The following MYCBP2 variants were observed in gnomAD, a reference collection of about 807,000 sequenced individuals.
MYCBP2 encodes the protein MYC binding protein 2.
In MYCBP2, 120 loss-of-function variants were observed where a neutral mutation model predicts 525.3. The ratio of observed to expected loss-of-function variants is 0.23; its 90% CI spans 0.20 to 0.27. MYCBP2 has a LOEUF of 0.27. Among genes scored for constraint, MYCBP2 ranks in the 10% least tolerant of loss-of-function variants. The probability of loss-of-function intolerance (pLI) is 1.00; values close to 1 mark genes in which losing one functional copy is unlikely to be tolerated. For missense variants in MYCBP2, 4,149 were observed against 5,657.1 expected (o/e 0.73, Z 8.55); for synonymous variants, 1,894 against 1,955.8 (o/e 0.97, Z 0.83).
At position 77,189,042 on chromosome 13, in the gene MYCBP2, G is replaced by A. The variant is rs768262276; in HGVS notation, c.4160C>T (p.Pro1387Leu). ...TTTTGAAGCACTGCCATCACTGGTT[G>A]GAAGTCTAAAGGCAGTAGACACATA... ...GQIPQLLYRL[P>L]TSDGSASKGK... Residue 1387 changes from proline (P) to leucine (L), a missense_variant, in exon 30 of 83, where the codon CCA becomes CTA. Transcript: ENST00000544440. 1 of 1,607,504 alleles carries A rather than the reference G, an allele frequency of 6.2e-7. No homozygotes were observed.
intron 1 of MYCBP2, among the ~76,000 whole-genome samples, chr13:77,306,693 T>C (rs1212511309): frequency 1.3e-5 from 2 of 152,134 alleles, no homozygotes; most frequent in Non-Finnish European, 2.9e-5. Context: ...CTTGAAGCAA[T>C]TGTAAAACTG....
intron 1 of MYCBP2, among the ~76,000 whole-genome samples, chr13:77,323,927 G>A (rs2081990428): frequency 6.6e-6 from 1 of 151,840 alleles, no homozygotes; most frequent in Admixed American, 6.6e-5. Context: ...AGATCCCTTT[G>A]ACCTCTTCCT....
rs944289452 is a variant in MYCBP2, at chr13:77,260,474, T to C, written c.1971A>G (p.Gly657=). The change falls in exon 13 of 83, where the codon GGA becomes GGG. Residue 657 remains glycine, a synonymous_variant. Transcript: ENST00000544440. ...CATCTTTTCCAAACATGTAGAGTTC[T>C]CCATCTTTAGAAATAACAGAACTAC... The part of the protein sequence containing the change: ...NGSSSVISKD[G]ELYMFGKDAI... 3.1e-6 allele frequency: 5 copies of C among 1,610,066 alleles called. No homozygotes were observed. Among genetic ancestry groups the C allele is most frequent in the Non-Finnish European group, 3.4e-6 (4 of 1,178,722 alleles).
intron 2 of MYCBP2, among the ~76,000 whole-genome samples, chr13:77,294,137 T>C (rs1207008707): frequency 1.8e-4 from 19 of 102,722 alleles, no homozygotes; most frequent in Non-Finnish European, 3.4e-4. Context: ...TATACATATA[T>C]ATATACATAT....
intron 80 of MYCBP2, among the ~76,000 whole-genome samples, chr13:77,055,329 T>C (rs1175493234): frequency 6.6e-6 from 1 of 152,162 alleles, no homozygotes; most frequent in East Asian, 1.9e-4. Flanking sequence ...GCAGCTTGTA[T>C]ACAGAAATAC....
chr13:77,321,001 T>C (rs2081538538), intron 1 of MYCBP2, among the ~76,000 whole-genome samples: 1 of 152,160 alleles, frequency 6.6e-6, no homozygotes, highest in African/African-American at 2.4e-5. Context: ...TTATATGAAG[T>C]GATGGAAACA....
intron 40 of MYCBP2, among the ~76,000 whole-genome samples, chr13:77,166,803 A>G (rs1450611404): frequency 6.6e-6 from 1 of 152,198 alleles, no homozygotes; most frequent in East Asian, 1.9e-4. Flanking sequence ...AGAATTATAA[A>G]ACAAAATCCA....
At position 77,088,879 on chromosome 13, in the gene MYCBP2, T is replaced by C. The variant is rs775610459; in HGVS notation, c.10678A>G (p.Met3560Val). Residue 3560 changes from methionine to valine, a missense_variant, in exon 61 of 83, where the codon ATG becomes GTG. By Grantham distance (21) the Met-to-Val change is conservative. Coordinates refer to ENST00000544440, the MANE Select transcript of MYCBP2 (RefSeq NM_015057.5). The part of the protein sequence containing the change: ...HHDLEGLEIA[M>V]KQALRKSACR... Reference sequence around the variant, plus strand: ...GCAGATTTCCTTAGGGCCTGTTTCATTGCTATTTCAAGACCTTCTAGATCA... The same window carrying C: ...GCAGATTTCCTTAGGGCCTGTTTCACTGCTATTTCAAGACCTTCTAGATCA... 2 of 1,613,178 alleles carry C rather than the reference T, an allele frequency of 1.2e-6. No homozygotes were observed. Among genetic ancestry groups the C allele is most frequent in the Admixed American group, 1.7e-5 (1 of 59,926 alleles).
Position 77,279,122 on chromosome 13 carries a change from G to A in MYCBP2, c.595-211C>T, listed in dbSNP as rs2154351391. ...GAAATAAACTATATTAATTTGCAAA[G>A]TTCATTTGATTGTACTCAAGGAAAA... On this transcript the variant is annotated intron_variant, in intron 3 of 82. Transcript: ENST00000544440. Among the ~76,000 whole-genome samples, 5 of 152,266 alleles carry A rather than the reference G, an allele frequency of 3.3e-5. 1 individual carries two copies. The South Asian group carries it at 1.0e-3, about 32-fold the overall frequency.
intron 15 of MYCBP2, among the ~76,000 whole-genome samples, chr13:77,250,637 G>A (rs1567052358): frequency 6.6e-6 from 1 of 152,184 alleles, no homozygotes; most frequent in African/African-American, 2.4e-5. Context: ...CCTGAAAAAT[G>A]TGGTCCATTG....
chr13:77,292,100 T>G (rs2077541291), intron 2 of MYCBP2, among the ~76,000 whole-genome samples: 1 of 152,194 alleles, frequency 6.6e-6, no homozygotes, highest in Admixed American at 6.5e-5. Context: ...ACCCACAAAG[T>G]CTTGAATTCT....
At chr13:77,076,187 A>G (rs1011100423) in intron 68 of MYCBP2, 1 of 152,232 alleles carries the variant, frequency 6.6e-6, no homozygotes, top group Non-Finnish European at 1.5e-5. Flanking sequence ...AAAATTTACT[A>G]AACATGTGTG....
rs1314839891 is a variant in MYCBP2 at position 77,094,903 on chromosome 13, C to T, written c.10199+455G>A. Among the ~76,000 whole-genome samples the T allele has an allele frequency of 2.6e-5, 4 of 152,228 alleles. No individual in the cohort carries two copies. The East Asian group carries it at 5.8e-4, about 22-fold the overall frequency. Reference sequence around the variant, plus strand: ...CTGACTTGACATCCGAGTATGAGTACATAGAAGCCAGGATTTTGTTATATT... The same window carrying T: ...CTGACTTGACATCCGAGTATGAGTATATAGAAGCCAGGATTTTGTTATATT... On this transcript the variant is annotated intron_variant, in intron 58 of 82. Coordinates refer to ENST00000544440, the MANE Select transcript of MYCBP2 (RefSeq NM_015057.5).
chr13:77,211,603 A>C (rs956841236), intron 22 of MYCBP2, among the ~76,000 whole-genome samples: 2 of 152,148 alleles, frequency 1.3e-5, no homozygotes, highest in African/African-American at 4.8e-5. Flanking sequence ...GTGAAATTTC[A>C]AAGTTGGATT....
chr13:77,074,163 G>A (rs2041899605), intron 68 of MYCBP2, among the ~76,000 whole-genome samples: 1 of 151,920 alleles, frequency 6.6e-6, no homozygotes, highest in Non-Finnish European at 1.5e-5. Context: ...ACACTTTGAT[G>A]GATCAATGGA....
intron 1 of MYCBP2, among the ~76,000 whole-genome samples, chr13:77,309,179 A>C (rs553130338): frequency 5.7e-4 from 86 of 152,208 alleles, no homozygotes; most frequent in Non-Finnish European, 1.1e-3. Flanking sequence ...GTCCAGCCTC[A>C]CTTTCCCACT....
intron 23 of MYCBP2, among the ~76,000 whole-genome samples, chr13:77,208,349 A>G (rs1265650117): frequency 6.6e-6 from 1 of 152,216 alleles, no homozygotes; most frequent in Admixed American, 6.5e-5. Flanking sequence ...CAGCAATTCT[A>G]CATTTTAAAA....
chr13:77,261,240 G>C lies in MYCBP2; in HGVS notation c.1783C>G (p.Leu595Val), dbSNP rs776703565. 3 of 1,613,644 alleles carry C rather than the reference G, an allele frequency of 1.9e-6. No individual in the cohort carries two copies. The highest frequency in any genetic ancestry group is 1.7e-6 in the Non-Finnish European group (2 of 1,179,744). Reference protein sequence around the residue: ...FSVGHDGSHALLVAEDGSIFF... With the variant: ...FSVGHDGSHAVLVAEDGSIFF... ...ATGCTCCCATCTTCTGCAACTAAAA[G>C]GGCGTGAGAGCCATCGTGTCCAACT... is the stretch of plus-strand genomic sequence containing the variant. Residue 595 changes from leucine (L) to valine (V), a missense_variant, in exon 12 of 83, where the codon CTT (leucine) becomes GTT (valine). Leu to Val is a conservative substitution (Grantham distance 32, BLOSUM62 1). This residue lies in a region of MYCBP2 where 262 missense variants were observed against 419.3 expected (regional missense o/e 0.62). Transcript: ENST00000544440.
intron 15 of MYCBP2, among the ~76,000 whole-genome samples, chr13:77,245,078 T>C (rs1233874585): frequency 6.6e-6 from 1 of 152,180 alleles, no homozygotes; most frequent in Non-Finnish European, 1.5e-5. Context: ...CCAGTTACAA[T>C]GGTGATCATT....
Sources: allele counts gnomAD v4.1 joint callset (sites outside exome capture counted in the v4.1 genomes callset), GRCh38; gene constraint gnomAD v4.1.1; regional missense constraint gnomAD v4.1.1; transcripts MANE v1.5; gene names NCBI Gene and HGNC (gene_info 2026-07-23, HGNC 2026-07-21).